Variants in TNRC18 observed in about 807,000 individuals in gnomAD.
TNRC18 encodes trinucleotide repeat-containing gene 18 protein.
In TNRC18, 69 loss-of-function variants were observed where a neutral mutation model predicts 226.7. That is an observed-to-expected ratio of 0.30 (90% CI 0.25 to 0.37). The LOEUF (loss-of-function observed/expected upper bound fraction) is 0.37. Among genes scored for constraint, TNRC18 ranks in the 10% least tolerant of loss-of-function variants. The pLI, the probability that TNRC18 is intolerant of heterozygous loss-of-function variation, is 1.00. For synonymous variants in TNRC18, 2,449 were observed against 1,927.6 expected (o/e 1.27, Z -7.09); for missense variants, 4,754 against 4,256.6 (o/e 1.12, Z -3.25).
chr7:5,405,139 G>T (rs189992790), intron 2 of TNRC18, among the ~76,000 whole-genome samples: 1 of 150,534 alleles, frequency 6.6e-6, no homozygotes, highest in African/African-American at 2.4e-5. Context: ...GAAGTATACA[G>T]AAATTAGGCT....
At chr7:5,341,853 G>T (rs1460099339) in intron 18 of TNRC18, among the ~76,000 whole-genome samples, 1 of 150,964 alleles carries the variant, frequency 6.6e-6, no homozygotes, top group Non-Finnish European at 1.5e-5. Flanking sequence ...TAAGCCTGCT[G>T]TTGAGACCTA....
At chr7:5,402,992 G>A (rs944533075) in intron 2 of TNRC18, among the ~76,000 whole-genome samples, 11 of 152,168 alleles carry the variant, frequency 7.2e-5, no homozygotes, top group African/African-American at 2.2e-4. Context: ...TCAACGGGGA[G>A]AGGGATTGGT....
chr7:5,377,486 GC>G lies in TNRC18; in HGVS notation c.2345del (p.Gly782AlafsTer91). On this transcript the variant is annotated frameshift_variant, in exon 7 of 30. Coordinates refer to ENST00000430969, the MANE Select transcript of TNRC18 (RefSeq NM_001080495.3). LOFTEE classifies it high-confidence loss of function. This position sits in a 1 kb window ranked among gnomAD's most constrained non-coding sequence, Gnocchi z 5.8. ...AGCGACCTGAGCCCGCCAGCGCCGGGCCCCCCGTCACCATGAGGTTGGGGTT... is the reference window on the plus strand; with the variant it reads ...AGCGACCTGAGCCCGCCAGCGCCGGGCCCCCGTCACCATGAGGTTGGGGTT... Reference protein sequence around the residue: ...GLNPNLMVTGGPALAGSGRWS... With the variant: ...GLNPNLMVTGXPALAGSGRWS... 1 of 1,582,440 alleles carries G rather than the reference GC, an allele frequency of 6.3e-7. No homozygotes were observed. The highest frequency in any genetic ancestry group is 2.3e-5 in the East Asian group (1 of 43,128).
intron 15 of TNRC18, among the ~76,000 whole-genome samples, chr7:5,357,676 C>T (rs894915265): frequency 6.6e-6 from 1 of 152,062 alleles, no homozygotes; most frequent in Non-Finnish European, 1.5e-5. Context: ...TTTTGTAGAG[C>T]TGGGGTTTCA....
intron 5 of TNRC18, among the ~76,000 whole-genome samples, chr7:5,381,210 G>A (rs1779376681): frequency 6.6e-6 from 1 of 152,332 alleles, no homozygotes; most frequent in South Asian, 2.1e-4. Flanking sequence ...GAGATAGTGA[G>A]CCCTCTGTCC....
At chr7:5,415,916 G>A (rs1378089997) in intron 2 of TNRC18, among the ~76,000 whole-genome samples, 1 of 146,272 alleles carries the variant, frequency 6.8e-6, no homozygotes, top group Non-Finnish European at 1.5e-5. Context: ...AGACCAGCCT[G>A]GCCAACATGG....
In TNRC18 at chr7:5,324,394, G is replaced by C. The variant is rs1217348437; in HGVS notation, c.6301-39C>G. On this transcript the variant is annotated intron_variant, in intron 20 of 29. Coordinates refer to ENST00000430969, the MANE Select transcript of TNRC18 (RefSeq NM_001080495.3). The surrounding 1 kb of genome is among the most constrained non-coding windows in gnomAD (Gnocchi z 4.8). ...ATGGCCGACAAATGACTTAGGACCTGAACAGGGGTCCTGCCGGGTTGGGGA... is the reference window on the plus strand; with the variant it reads ...ATGGCCGACAAATGACTTAGGACCTCAACAGGGGTCCTGCCGGGTTGGGGA... The C allele has an allele frequency of 3.1e-6, 5 of 1,605,808 alleles. No individual in the cohort carries two copies. The South Asian group carries it at 3.3e-5, about 11-fold the overall frequency.
chr7:5,365,586 A>C (rs1793533559), intron 11 of TNRC18, among the ~76,000 whole-genome samples: 1 of 151,904 alleles, frequency 6.6e-6, no homozygotes, highest in South Asian at 2.1e-4. Flanking sequence ...TCTCTACCAA[A>C]TTTAAATGAG....
rs770444025 is a variant in TNRC18, at chr7:5,321,170, C to T, written c.6463G>A (p.Asp2155Asn). 26 of 1,551,260 alleles carry T rather than the reference C, an allele frequency of 1.7e-5. No individual in the cohort carries two copies. Among genetic ancestry groups the T allele is most frequent in the Admixed American group, 7.8e-5 (4 of 51,370 alleles). Reference sequence around the variant, plus strand: ...AGGCCGTCCTTCAGCTCATCCTTGTCGATGATGCAGGAGCGAGGGGCTGCA... The same window carrying T: ...AGGCCGTCCTTCAGCTCATCCTTGTTGATGATGCAGGAGCGAGGGGCTGCA... ...LTPAPRSCII[D>N]KDELKDGLRV... Residue 2155 changes from aspartate to asparagine, a missense_variant, in exon 22 of 30, where the codon GAC becomes AAC. Physicochemically the swap from Asp to Asn is conservative, Grantham distance 23. Coordinates refer to ENST00000430969, the MANE Select transcript of TNRC18 (RefSeq NM_001080495.3).
chr7:5,357,286 G>C lies in TNRC18; in HGVS notation c.4834-10C>G, dbSNP rs1483241642. ...TCTTCTTAATCTTTAGCTGGAGAGG[G>C]AAGGTGGGTCATGGGTTAAAAGATC... On this transcript the variant is annotated splice_polypyrimidine_tract_variant and intron_variant, in intron 15 of 29. Coordinates refer to ENST00000430969, the MANE Select transcript of TNRC18 (RefSeq NM_001080495.3). 1.2e-6 allele frequency: 2 copies of C among 1,605,700 alleles called. No individual in the cohort carries two copies. The highest frequency in any genetic ancestry group is 1.7e-6 in the Non-Finnish European group (2 of 1,175,570).
At chr7:5,362,982 C>T (rs1364892523) in intron 11 of TNRC18, among the ~76,000 whole-genome samples, 157 bp from the exon 12 acceptor site, 1 of 152,236 alleles carries the variant, frequency 6.6e-6, no homozygotes, top group Non-Finnish European at 1.5e-5. Flanking sequence ...GCCGGAAGTC[C>T]TGAGCATCTC....
chr7:5,366,318 CTTTTTTTTTTTTT>C (rs202053648), intron 11 of TNRC18, among the ~76,000 whole-genome samples: 2 of 70,480 alleles, frequency 2.8e-5, no homozygotes, highest in South Asian at 6.8e-4. Context: ...CTTCTTATAT[CTTTTTTTTTTTTT>C]TTTTTTTTTT....
chr7:5,420,996 G>A lies in TNRC18; in HGVS notation c.187+64C>T, dbSNP rs1204036163. The A allele has an allele frequency of 7.1e-6, 11 of 1,539,286 alleles. No individual in the cohort carries two copies. In the South Asian group the frequency reaches 7.2e-5, roughly 10 times the overall value. On this transcript the variant is annotated intron_variant, in intron 2 of 29. Transcript: ENST00000430969. The stretch of plus-strand genomic sequence containing the variant: ...GAGCCCCGGCCGCGAGTGCACAGGA[G>A]GACCCGGCCGAGTGGATCTCCCTGG...
chr7:5,317,022 C>T lies in TNRC18; in HGVS notation c.6746-950G>A, dbSNP rs150127984. ...CGCAGGGAGGAGGTTGGACAGGCCCCCCAAAGGGTGATAGCCCAGCCCTCT... is the reference window on the plus strand; with the variant it reads ...CGCAGGGAGGAGGTTGGACAGGCCCTCCAAAGGGTGATAGCCCAGCCCTCT... On this transcript the variant is annotated intron_variant, in intron 24 of 29. Coordinates refer to ENST00000430969, the MANE Select transcript of TNRC18 (RefSeq NM_001080495.3). Among the ~76,000 whole-genome samples the T allele has an allele frequency of 5.6e-3, 850 of 152,142 alleles. 8 individuals are homozygous for T. Among genetic ancestry groups the T allele is most frequent in the African/African-American group, 0.02 (810 of 41,504 alleles).
intron 3 of TNRC18, among the ~76,000 whole-genome samples, chr7:5,393,880 AT>A (rs1159253065): frequency 6.6e-6 from 1 of 151,806 alleles, no homozygotes; most frequent in Admixed American, 6.6e-5. Context: ...GCTCTGGGAA[AT>A]TTTTTTTGTG....
Position 5,377,332 on chromosome 7 carries a change from C to CCAA in TNRC18, c.2461+38_2461+39insTTG. 2 of 985,884 alleles carry CCAA rather than the reference C, an allele frequency of 2.0e-6. No homozygotes were observed. The highest frequency in any genetic ancestry group is 3.0e-6 in the Non-Finnish European group (2 of 673,536). The allele number at this position is 985,884 out of a possible 1,614,324, so 61.1% of individuals were successfully genotyped here. ...CCTGCACCCGCCCCCTCCCACCCCT[C>CCAA]CCTCAGAGAAGGGGAGAGACCCTGT... is the stretch of plus-strand genomic sequence containing the variant. On this transcript the variant is annotated intron_variant, in intron 7 of 29. Coordinates refer to ENST00000430969, the MANE Select transcript of TNRC18 (RefSeq NM_001080495.3). This position sits in a 1 kb window ranked among gnomAD's most constrained non-coding sequence, Gnocchi z 5.8.
At chr7:5,316,358 C>A (rs1481183531) in intron 24 of TNRC18, among the ~76,000 whole-genome samples, 4 of 149,380 alleles carry the variant, frequency 2.7e-5, no homozygotes, top group African/African-American at 9.9e-5. Flanking sequence ...TGGCTCGCCG[C>A]AACCTCCGCC....
chr7:5,339,219 CT>C (rs544268764), intron 18 of TNRC18, among the ~76,000 whole-genome samples: 6 of 127,540 alleles, frequency 4.7e-5, no homozygotes, highest in African/African-American at 1.0e-4. Flanking sequence ...TTTTTTGTTT[CT>C]TTTTTTTTCT....
chr7:5,402,564 A>G (rs1361653093), intron 2 of TNRC18, among the ~76,000 whole-genome samples: 1 of 139,998 alleles, frequency 7.1e-6, no homozygotes. Context: ...AGAAAATAAT[A>G]TTTATGCGGC....
Sources: allele counts gnomAD v4.1 joint callset (sites outside exome capture counted in the v4.1 genomes callset), GRCh38; gene constraint gnomAD v4.1.1; non-coding constraint Gnocchi (gnomAD v3.1); transcripts MANE v1.5; gene names NCBI Gene and HGNC (gene_info 2026-07-23, HGNC 2026-07-21).